Variants in KDR observed in about 807,000 individuals in gnomAD.
KDR encodes vascular endothelial growth factor receptor 2.
A neutral mutation model predicts 160.9 loss-of-function variants in KDR; 43 were observed. That is an observed-to-expected ratio of 0.27 (90% CI 0.21 to 0.34). The LOEUF (loss-of-function observed/expected upper bound fraction) is 0.34, where lower values mean the gene tolerates loss of function less well. KDR is among the 10% of genes least tolerant of loss of function. The pLI is 1.00. For synonymous variants in KDR, 617 were observed against 600.1 expected, an observed-to-expected ratio of 1.03 and a Z score of -0.41; for missense variants, 1,469 against 1,666.4, an observed-to-expected ratio of 0.88 and a Z score of 2.06.
chr4:55,098,849 C>T, intron 15 of KDR, 46 bp from the exon 16 acceptor site: 2 of 1,443,454 alleles, frequency 1.4e-6, no homozygotes, highest in Non-Finnish European at 1.9e-6. Flanking sequence ...GAAACTTATA[C>T]TTTTTGTTTG....
Position 55,097,760 on chromosome 4 carries a change from G to A in KDR, c.2516C>T (p.Pro839Leu), listed in dbSNP as rs140761530. Residue 839 changes from proline (P) to leucine (L), a missense_variant, in exon 18 of 30, where the codon CCT (proline) becomes CTT (leucine). Coordinates refer to ENST00000263923, the MANE Select transcript of KDR (RefSeq NM_002253.4). ...FPRDRLKLGK[P>L]LGRGAFGQVI... ...TTGGCCAAAGGCACCACGGCCAAGA[G>A]GCTTACCTAGAGTCAACAACAACAG... 2.0e-5 allele frequency: 32 copies of A among 1,610,864 alleles called. No individual in the cohort carries two copies. In the East Asian group the frequency reaches 3.6e-4, roughly 18 times the overall value.
At chr4:55,124,620 C>T (rs75822936) in intron 1 of KDR, among the ~76,000 whole-genome samples, 23 of 152,226 alleles carry the variant, frequency 1.5e-4, no homozygotes, top group African/African-American at 2.9e-4. Context: ...CTATTCCCCC[C>T]CTTCTTCGCT....
At chr4:55,098,486 C>G (rs983732420) in intron 16 of KDR, among the ~76,000 whole-genome samples, 7 of 152,128 alleles carry the variant, frequency 4.6e-5, no homozygotes, top group African/African-American at 7.2e-5. Context: ...TTACACTAGA[C>G]AGTCCAAGCC....
intron 27 of KDR, among the ~76,000 whole-genome samples, chr4:55,083,957 G>A (rs1260645899): frequency 6.6e-6 from 1 of 152,182 alleles, no homozygotes; most frequent in African/African-American, 2.4e-5. Flanking sequence ...TGGTACCGTA[G>A]TCAATCATTC....
Position 55,078,760 on chromosome 4 carries a change from G to A in KDR, c.*1181C>T, listed in dbSNP as rs1185290686. ...GACAGAACAAGGGCAAAAATCAGTAGAAATAGCTCTATATGTTAAAAGTCT... is the reference window on the plus strand; with the variant it reads ...GACAGAACAAGGGCAAAAATCAGTAAAAATAGCTCTATATGTTAAAAGTCT... On this transcript the variant is annotated 3_prime_UTR_variant, in exon 30 of 30. Transcript: ENST00000263923. 1 of 232,632 alleles carries A rather than the reference G, an allele frequency of 4.3e-6. No homozygotes were observed. The highest frequency in any genetic ancestry group is 6.1e-5 in the East Asian group (1 of 16,462). 14.4% of individuals were successfully genotyped at this position (232,632 alleles called of 1,614,324 possible).
chr4:55,103,799 C>T (rs527833274), intron 13 of KDR, among the ~76,000 whole-genome samples: 2 of 151,926 alleles, frequency 1.3e-5, no homozygotes, highest in East Asian at 1.9e-4. Flanking sequence ...ACAGAGGGCA[C>T]ATATATCCTA....
At chr4:55,080,570 C>T (rs958915709) in intron 29 of KDR, among the ~76,000 whole-genome samples, 10 of 152,192 alleles carry the variant, frequency 6.6e-5, no homozygotes, top group Admixed American at 2.0e-4. Flanking sequence ...TGTGCTTTTC[C>T]TATTGTGGCA....
In KDR at chr4:55,079,456, AT is replaced by A. The variant is rs1719669026; in HGVS notation, c.*484del. 2 of 286,870 alleles carry A rather than the reference AT, an allele frequency of 7.0e-6. No homozygotes were observed. Among genetic ancestry groups the A allele is most frequent in the Admixed American group, 4.6e-5 (1 of 21,612 alleles). The allele number at this position is 286,870 out of a possible 1,614,324, so 17.8% of individuals were successfully genotyped here. Reference sequence around the variant, plus strand: ...TTAGTCTTCCTTTCTATCAATCCGAATTCCACACTTAAGGCTTGGCTTGGGA... The same window carrying A: ...TTAGTCTTCCTTTCTATCAATCCGAATCCACACTTAAGGCTTGGCTTGGGA... On this transcript the variant is annotated 3_prime_UTR_variant, in exon 30 of 30. Coordinates refer to ENST00000263923, the MANE Select transcript of KDR (RefSeq NM_002253.4).
rs533882663 is a variant in KDR at position 55,095,037 on chromosome 4, A to G, written c.2818-82T>C. The G allele has an allele frequency of 3.0e-5, 40 of 1,336,138 alleles. No individual in the cohort carries two copies. In the Admixed American group the frequency reaches 5.5e-4, roughly 18 times the overall value. 82.8% of individuals were successfully genotyped at this position (1,336,138 alleles called of 1,614,324 possible). On this transcript the variant is annotated intron_variant, in intron 20 of 29. Coordinates refer to ENST00000263923, the MANE Select transcript of KDR (RefSeq NM_002253.4). ...GTTTACAACCTTTAAAATGTAGTAA[A>G]CCATGGAGATAATTGAAACTACTAA...
intron 27 of KDR, among the ~76,000 whole-genome samples, chr4:55,084,503 T>A (rs1719811088): frequency 6.6e-6 from 1 of 152,222 alleles, no homozygotes; most frequent in South Asian, 2.1e-4. Flanking sequence ...TTAAATGGCA[T>A]GATCCTCTCA....
intron 18 of KDR, chr4:55,096,720 A>G: frequency 3.2e-6 from 1 of 316,780 alleles, no homozygotes; most frequent in Non-Finnish European, 6.0e-6. Flanking sequence ...ATAAGGAAGC[A>G]ACACCATGTA....
In KDR at chr4:55,125,424, G is replaced by T; in HGVS notation, c.-131C>A. The T allele has an allele frequency of 1.7e-6, 2 of 1,196,160 alleles. No homozygotes were observed. The highest frequency in any genetic ancestry group is 2.4e-6 in the Non-Finnish European group (2 of 844,604). The allele number at this position is 1,196,160 out of a possible 1,614,324, so 74.1% of individuals were successfully genotyped here. On this transcript the variant is annotated 5_prime_UTR_variant, in exon 1 of 30. Coordinates refer to ENST00000263923, the MANE Select transcript of KDR (RefSeq NM_002253.4). ...AGCGCAGGACAGTTGAGCGCACAGGGCTAGGGAGCCCGGGCGCCGACCGCG... is the reference window on the plus strand; with the variant it reads ...AGCGCAGGACAGTTGAGCGCACAGGTCTAGGGAGCCCGGGCGCCGACCGCG...
chr4:55,083,465 C>A (rs1427904748), intron 27 of KDR, among the ~76,000 whole-genome samples: 1 of 152,124 alleles, frequency 6.6e-6, no homozygotes, highest in African/African-American at 2.4e-5. Context: ...TCAAACAAAG[C>A]TCATTTTTCT....
chr4:55,083,971 C>A (rs1350690616), intron 27 of KDR, among the ~76,000 whole-genome samples: 1 of 152,192 alleles, frequency 6.6e-6, no homozygotes, highest in Non-Finnish European at 1.5e-5. Context: ...ATCATTCCTG[C>A]ATTCACTTGT....
At chr4:55,090,750 C>G (rs1326261123) in intron 22 of KDR, among the ~76,000 whole-genome samples, 1 of 151,892 alleles carries the variant, frequency 6.6e-6, no homozygotes, top group Admixed American at 6.6e-5. Context: ...CAAACTTCAG[C>G]TAACTTCCTA....
At chr4:55,091,317 T>G (rs984490883) in intron 22 of KDR, among the ~76,000 whole-genome samples, 1 of 152,152 alleles carries the variant, frequency 6.6e-6, no homozygotes, top group Non-Finnish European at 1.5e-5. Flanking sequence ...AAACAGACAG[T>G]GTTTTTGACT....
intron 1 of KDR, among the ~76,000 whole-genome samples, chr4:55,123,538 A>T (rs1471397481): frequency 6.6e-6 from 1 of 152,254 alleles, no homozygotes; most frequent in Non-Finnish European, 1.5e-5. Flanking sequence ...ACACGTTTAC[A>T]ACAAAAATCT....
chr4:55,084,621 G>A (rs1007689996), intron 27 of KDR, among the ~76,000 whole-genome samples: 5 of 152,126 alleles, frequency 3.3e-5, no homozygotes, highest in African/African-American at 1.2e-4. Flanking sequence ...CAAGGATTAG[G>A]GAGAAAATGG....
Position 55,079,683 on chromosome 4 carries a change from G to A in KDR, c.*258C>T, listed in dbSNP as rs1719680230. 1 of 541,006 alleles carries A rather than the reference G, an allele frequency of 1.8e-6. No individual in the cohort carries two copies. The allele number at this position is 541,006 out of a possible 1,614,324, so 33.5% of individuals were successfully genotyped here. A position where few individuals can be genotyped will look rare whatever the true frequency, so the allele number is the denominator to read the frequency against. On this transcript the variant is annotated 3_prime_UTR_variant, in exon 30 of 30. Coordinates refer to ENST00000263923, the MANE Select transcript of KDR (RefSeq NM_002253.4). ...ACCCATGGTGAGACCCGCAGCAGGG[G>A]GCATGATAAATGCTTTTTAAATGAA...
Sources: gnomAD v4.1 joint callset for allele counts (sites outside exome capture counted in the v4.1 genomes callset) on GRCh38, gnomAD v4.1.1 for gene constraint, MANE v1.5 for transcripts, NCBI Gene and HGNC (gene_info 2026-07-23, HGNC 2026-07-21) for gene names.